SLC24A5: variants seen among roughly 807,000 people sequenced by gnomAD.
The protein encoded by SLC24A5 is solute carrier family 24 member 5, also known as sodium/potassium/calcium exchanger 5.
Under a neutral mutation model 51.6 loss-of-function variants are expected in SLC24A5, and 46 were observed. That is an observed-to-expected ratio of 0.89 (90% CI 0.70 to 1.14). The LOEUF is 1.14. Ranked by LOEUF, SLC24A5 falls within the 50% of genes most tolerant of loss-of-function variation. SLC24A5 has a pLI of 0.00. For synonymous variants in SLC24A5, 230 were observed against 214.9 expected, an observed-to-expected ratio of 1.07 and a Z score of -0.62; for missense variants, 581 against 604.1, an observed-to-expected ratio of 0.96 and a Z score of 0.40.
chr15:48,134,600 GT>G lies in SLC24A5; in HGVS notation c.489+63del, dbSNP rs939859183. 16 of 1,342,014 alleles carry G rather than the reference GT, an allele frequency of 1.2e-5. No homozygotes were observed. In the African/African-American group the frequency reaches 2.2e-4, roughly 18 times the overall value. 83.1% of individuals were successfully genotyped at this position (1,342,014 alleles called of 1,614,324 possible). A position where few individuals can be genotyped will look rare whatever the true frequency, so the allele number is the denominator to read the frequency against. On this transcript the variant is annotated intron_variant, in intron 4 of 8. Transcript: ENST00000341459. ...TAAAAAATTCTAAAGATAACTGTTC[GT>G]CGTCTGGGATGGACAACAGGGCACT...
intron 1 of SLC24A5, among the ~76,000 whole-genome samples, chr15:48,121,618 T>C (rs1416866696): frequency 6.6e-6 from 1 of 152,232 alleles, no homozygotes; most frequent in Non-Finnish European, 1.5e-5. Flanking sequence ...TGATTTCCTC[T>C]TTTTAATTCT....
intron 6 of SLC24A5, 76 bp from the exon 7 acceptor site, chr15:48,138,893 T>G (rs995110732): frequency 1.8e-4 from 198 of 1,091,746 alleles, no homozygotes; most frequent in Middle Eastern, 1.7e-3. Context: ...TATTTCAATA[T>G]AACTTTCTAA....
At chr15:48,141,768 T>TAGCCATATCTCCTTTCCC in intron 8 of SLC24A5, 1 of 242,440 alleles carries the variant, frequency 4.1e-6, no homozygotes. Context: ...CCATGTTAAA[T>TAGCCATATCTCCTTTCCC]TACAATGAAA....
chr15:48,122,375 T>C, intron 2 of SLC24A5: 1 of 400,862 alleles, frequency 2.5e-6, no homozygotes, highest in Non-Finnish European at 4.4e-6. Flanking sequence ...ACAATGAAAC[T>C]CCTAATATTT....
chr15:48,134,735 T>C (rs1378793237), intron 4 of SLC24A5, 149 bp from the exon 5 acceptor site: 32 of 754,294 alleles, frequency 4.2e-5, no homozygotes, highest in Middle Eastern at 3.9e-4. Flanking sequence ...CTGTGTAAGT[T>C]AGAACACAAT....
At chr15:48,131,076 T>C (rs1377051313) in intron 2 of SLC24A5, among the ~76,000 whole-genome samples, 2 of 152,174 alleles carry the variant, frequency 1.3e-5, no homozygotes, top group African/African-American at 2.4e-5. Flanking sequence ...AAATTATGTA[T>C]ATGGGAGTGC....
At chr15:48,122,955 C>A (rs2038695130) in intron 2 of SLC24A5, 1 of 152,204 alleles carries the variant, frequency 6.6e-6, no homozygotes, top group African/African-American at 2.4e-5. Context: ...GCCCCCGACA[C>A]ACACACATTG....
rs766871727 is a variant in SLC24A5 at position 48,142,179 on chromosome 15, C to G, written c.1331C>G (p.Ser444Cys). The stretch of plus-strand genomic sequence containing the variant: ...AGAGGACTAACTTACATAACCATCT[C>G]TCTCAACATTTCAATTATTTTTCTT... ...NSRGLTYITI[S>C]LNISIIFLFL... The change falls in exon 9 of 9, where the codon TCT becomes TGT. Residue 444 changes from serine (S) to cysteine (C), a missense_variant. Transcript: ENST00000341459. 6.2e-7 allele frequency: 1 copy of G among 1,613,842 alleles called. No individual in the cohort carries two copies. Among genetic ancestry groups the G allele is most frequent in the South Asian group, 1.1e-5 (1 of 91,068 alleles).
intron 4 of SLC24A5, 165 bp from the exon 5 acceptor site, chr15:48,134,719 G>A: frequency 1.4e-6 from 1 of 731,524 alleles, no homozygotes; most frequent in South Asian, 2.0e-5. Context: ...TCAGATTTAT[G>A]AAAGTCTGTG....
chr15:48,121,039 G>A lies in SLC24A5; in HGVS notation c.-6G>A. The A allele has an allele frequency of 6.2e-7, 1 of 1,613,214 alleles. No individual in the cohort carries two copies. The highest frequency in any genetic ancestry group is 8.5e-7 in the Non-Finnish European group (1 of 1,179,552). Reference sequence around the variant, plus strand: ...AGCTGCACGCTGCAGTAAGAGCACAGCAGAAATGCAGACAAAAGGGGGCCA... The same window carrying A: ...AGCTGCACGCTGCAGTAAGAGCACAACAGAAATGCAGACAAAAGGGGGCCA... On this transcript the variant is annotated 5_prime_UTR_variant, in exon 1 of 9. Transcript: ENST00000341459.
rs2038682865 is a variant in SLC24A5, at chr15:48,121,915, G to A, written c.180G>A (p.Thr60=). ...CGGAGTTTCCCGAAGGGTTTTTCAC[G>A]AGACAGGAGCGCAGAGATGGAGGCA... ...PSSEFPEGFF[T]RQERRDGGII... The change falls in exon 2 of 9, where the codon ACG becomes ACA. Residue 60 remains threonine, a synonymous_variant. Transcript: ENST00000341459. 6 of 1,614,122 alleles carry A rather than the reference G, an allele frequency of 3.7e-6. No homozygotes were observed. The highest frequency in any genetic ancestry group is 1.7e-5 in the Admixed American group (1 of 60,018).
At chr15:48,136,569 G>T in intron 5 of SLC24A5, 114 bp from the exon 6 acceptor site, 1 of 956,162 alleles carries the variant, frequency 1.0e-6, no homozygotes, top group Non-Finnish European at 1.5e-6. Context: ...AGAAATGTTT[G>T]ATTGTTCTAT....
At chr15:48,136,456 GT>G in intron 5 of SLC24A5, 3 of 366,786 alleles carry the variant, frequency 8.2e-6, no homozygotes, top group South Asian at 1.4e-4. Context: ...TGTTGATCTT[GT>G]TTTTAAAAAA....
In SLC24A5 at chr15:48,134,328, T is replaced by C. The variant is rs746273435; in HGVS notation, c.372T>C (p.Val124=). The C allele has an allele frequency of 3.1e-6, 5 of 1,613,634 alleles. No individual in the cohort carries two copies. The highest frequency in any genetic ancestry group is 4.2e-6 in the Non-Finnish European group (5 of 1,179,652). ...MAAGSSAPEL[V]TAFLGVFITK... ...CGGGCAGTTCAGCTCCTGAATTAGT[T>C]ACTGCTTTCCTAGGTAAATATTGCT... The change falls in exon 3 of 9, where the codon GTT becomes GTC. Residue 124 remains valine (V), a synonymous_variant. Coordinates refer to ENST00000341459, the MANE Select transcript of SLC24A5 (RefSeq NM_205850.3).
chr15:48,134,323 T>C lies in SLC24A5; in HGVS notation c.367T>C (p.Leu123=). The C allele has an allele frequency of 6.2e-7, 1 of 1,613,636 alleles. No homozygotes were observed. The highest frequency in any genetic ancestry group is 2.2e-5 in the East Asian group (1 of 44,878). ...GGCAGCGGGCAGTTCAGCTCCTGAA[T>C]TAGTTACTGCTTTCCTAGGTAAATA... is the stretch of plus-strand genomic sequence containing the variant. The part of the protein sequence containing the change: ...FMAAGSSAPE[L]VTAFLGVFIT... The change falls in exon 3 of 9, where the codon TTA becomes CTA. Residue 123 remains leucine (L), a synonymous_variant. Transcript: ENST00000341459.
At chr15:48,122,148 C>T (rs748306694) in intron 2 of SLC24A5, 112 bp downstream of exon 2, 1 of 1,130,144 alleles carries the variant, frequency 8.8e-7, no homozygotes, top group East Asian at 2.4e-5. Context: ...GGTTGCAGAG[C>T]ACCAGCTTCT....
intron 2 of SLC24A5, 50 bp downstream of exon 2, chr15:48,122,086 C>G (rs1260131120): frequency 3.8e-6 from 6 of 1,567,634 alleles, no homozygotes; most frequent in Admixed American, 1.7e-5. Context: ...GTGTGCCACA[C>G]AGATATGACT....
At chr15:48,141,250 C>T (rs201749426) in intron 8 of SLC24A5, 36 bp downstream of exon 8, 40 of 1,480,814 alleles carry the variant, frequency 2.7e-5, no homozygotes, top group Non-Finnish European at 3.7e-5. Context: ...AATGGTCATT[C>T]TACAAGGCTA....
At chr15:48,134,621 G>A in intron 4 of SLC24A5, 83 bp downstream of exon 4, 1 of 1,029,566 alleles carries the variant, frequency 9.7e-7, no homozygotes, top group Admixed American at 2.0e-5. Flanking sequence ...TGGACAACAG[G>A]GCACTAATAA....
Sources: gnomAD v4.1 joint callset for allele counts (sites outside exome capture counted in the v4.1 genomes callset) on GRCh38, gnomAD v4.1.1 for gene constraint, MANE v1.5 for transcripts, NCBI Gene and HGNC (gene_info 2026-07-23, HGNC 2026-07-21) for gene names.